G3BP2: variants seen among roughly 807,000 people sequenced by gnomAD.
G3BP2 encodes ras GTPase-activating protein-binding protein 2.
G3BP2 carries 11 observed loss-of-function variants against 56.7 expected under a neutral mutation model. The observed-to-expected ratio is 0.19, with a 90% CI of 0.12 to 0.32. The LOEUF is 0.32. Ranked by LOEUF, G3BP2 falls within the 10% of genes least tolerant of loss-of-function variation. G3BP2 has a pLI of 1.00. For synonymous variants in G3BP2, 165 were observed against 191.6 expected, an observed-to-expected ratio of 0.86 and a Z score of 1.15; for missense variants, 340 against 610.9, an observed-to-expected ratio of 0.56 and a Z score of 4.67.
At chr4:75,712,462 A>G (rs1349555970) in intron 3 of G3BP2, among the ~76,000 whole-genome samples, 1 of 152,174 alleles carries the variant, frequency 6.6e-6, no homozygotes, top group African/African-American at 2.4e-5. Context: ...CATGTTTTTC[A>G]CATTGATTCT....
intron 3 of G3BP2, among the ~76,000 whole-genome samples, chr4:75,703,627 T>C (rs2149098397): frequency 6.6e-6 from 1 of 152,132 alleles, no homozygotes; most frequent in East Asian, 1.9e-4. Context: ...GGATACAAGA[T>C]AGCAAGAGGT....
chr4:75,669,163 T>C (rs1733287838), intron 1 of G3BP2, among the ~76,000 whole-genome samples: 1 of 152,244 alleles, frequency 6.6e-6, no homozygotes, highest in African/African-American at 2.4e-5. Flanking sequence ...AATTTCAGCT[T>C]CTGGTCTCAT....
At chr4:75,715,474 A>AG in intron 3 of G3BP2, among the ~76,000 whole-genome samples, 1 of 152,300 alleles carries the variant, frequency 6.6e-6, no homozygotes, top group South Asian at 2.1e-4. Context: ...TCCCCATCAA[A>AG]GGGGCAGAGT....
At chr4:75,708,629 G>A (rs1265696017) in intron 3 of G3BP2, among the ~76,000 whole-genome samples, 4 of 152,178 alleles carry the variant, frequency 2.6e-5, no homozygotes, top group Non-Finnish European at 5.9e-5. Context: ...ATACAATAAT[G>A]ATAATATGGT....
At chr4:75,723,067 A>C (rs188301451) in intron 1 of G3BP2, among the ~76,000 whole-genome samples, 18 of 152,316 alleles carry the variant, frequency 1.2e-4, no homozygotes, top group Admixed American at 1.0e-3. Flanking sequence ...GTGTACCTAC[A>C]TTTTAGGGAA....
At chr4:75,678,296 TTGTGTGTGTGTGTGTGTGTGTG>T (rs57550763), upstream of G3BP2, among the ~76,000 whole-genome samples, 7 of 144,472 alleles carry the variant, frequency 4.8e-5, no homozygotes, top group South Asian at 4.7e-4. Flanking sequence ...CGTGCCTAGC[TTGTGTGTGTGTGTGTGTGTGTG>T]TGTGTGTGTG....
At chr4:75,697,749 C>T (rs1357671155) in intron 3 of G3BP2, among the ~76,000 whole-genome samples, 2 of 152,244 alleles carry the variant, frequency 1.3e-5, no homozygotes, top group Non-Finnish European at 2.9e-5. Flanking sequence ...GCCTGGCCAA[C>T]ATGGCAAAAC....
intron 1 of G3BP2, among the ~76,000 whole-genome samples, chr4:75,668,502 G>A (rs1211796901): frequency 6.6e-6 from 1 of 152,190 alleles, no homozygotes; most frequent in African/African-American, 2.4e-5. Flanking sequence ...AGATTTGGGT[G>A]AAACATAACA....
At chr4:75,683,294 G>A (rs922802349) in intron 3 of G3BP2, among the ~76,000 whole-genome samples, 3 of 152,150 alleles carry the variant, frequency 2.0e-5, no homozygotes, top group Non-Finnish European at 4.4e-5. Context: ...GAGCACGGTA[G>A]CTCACACCTG....
chr4:75,662,058 G>A lies in G3BP2; in HGVS notation c.-24-9C>T. On this transcript the variant is annotated splice_polypyrimidine_tract_variant and intron_variant, in intron 1 of 11. Transcript: ENST00000359707. ...CTGCACAATGTCAAATGCTGAGGGA[G>A]CAAACACAAGAATAACTATTAAAAA... is the stretch of plus-strand genomic sequence containing the variant. 7.3e-7 allele frequency: 1 copy of A among 1,373,346 alleles called. No individual in the cohort carries two copies. The highest frequency in any genetic ancestry group is 1.0e-6 in the Non-Finnish European group (1 of 972,016). 85.1% of individuals were successfully genotyped at this position (1,373,346 alleles called of 1,614,324 possible).
intron 2 of G3BP2, among the ~76,000 whole-genome samples, chr4:75,660,363 A>G (rs1232057731): frequency 6.6e-6 from 1 of 152,186 alleles, no homozygotes; most frequent in East Asian, 1.9e-4. Flanking sequence ...AGGGGAAGAT[A>G]CATGTTAGTT....
intron 8 of G3BP2, among the ~76,000 whole-genome samples, chr4:75,649,455 A>G (rs372061563): frequency 2.8e-4 from 43 of 152,182 alleles, no homozygotes; most frequent in African/African-American, 1.0e-3. Context: ...GTCTGGGAGT[A>G]ATAGGACAGT....
At chr4:75,651,743 A>T (rs1444116381) in intron 8 of G3BP2, among the ~76,000 whole-genome samples, 1 of 152,220 alleles carries the variant, frequency 6.6e-6, no homozygotes, top group African/African-American at 2.4e-5. Flanking sequence ...CAAACCCACA[A>T]ATGAAGGTCA....
intron 3 of G3BP2, among the ~76,000 whole-genome samples, chr4:75,702,792 T>C (rs372279843): frequency 6.6e-6 from 1 of 152,204 alleles, no homozygotes; most frequent in East Asian, 1.9e-4. Context: ...TGAAAGAGAC[T>C]TCCAAATGCT....
At chr4:75,659,010 A>G (rs1366061222) in intron 2 of G3BP2, 86 bp from the exon 3 acceptor site, 1 of 1,001,216 alleles carries the variant, frequency 1.0e-6, no homozygotes, top group East Asian at 2.4e-5. Context: ...TAGGTTCCGG[A>G]TCCCGCTCTG....
chr4:75,663,912 G>T (rs1167068419), intron 1 of G3BP2, among the ~76,000 whole-genome samples: 1 of 4,366 alleles, frequency 2.3e-4, no homozygotes, highest in Non-Finnish European at 5.3e-4. Context: ...TTGAGATGGA[G>T]TCTTGCTCTG....
chr4:75,657,280 TCTA>T (rs1732191765), intron 4 of G3BP2, among the ~76,000 whole-genome samples: 1 of 152,224 alleles, frequency 6.6e-6, no homozygotes, highest in African/African-American at 2.4e-5. Flanking sequence ...AAAGAACTCT[TCTA>T]TTTTGTTTTC....
chr4:75,679,370 A>C (rs1733989640), intron 3 of G3BP2, among the ~76,000 whole-genome samples: 2 of 152,212 alleles, frequency 1.3e-5, no homozygotes, highest in Admixed American at 1.3e-4. Flanking sequence ...AAAGAATCAA[A>C]TGTTAATTTC....
chr4:75,665,484 G>A (rs988849686), intron 1 of G3BP2, among the ~76,000 whole-genome samples: 6 of 152,072 alleles, frequency 3.9e-5, no homozygotes, highest in Non-Finnish European at 7.4e-5. Context: ...TGTGGCTCAC[G>A]CCTGTAATCC....
Sources: allele counts gnomAD v4.1 joint callset (sites outside exome capture counted in the v4.1 genomes callset), GRCh38; gene constraint gnomAD v4.1.1; transcripts MANE v1.5; gene names NCBI Gene and HGNC (gene_info 2026-07-23, HGNC 2026-07-21).